Variants in RGPD3 observed in about 807,000 individuals in gnomAD.
RGPD3 encodes the protein RANBP2 like and GRIP domain containing 3, also known as ranBP2-like and GRIP domain-containing protein 3.
A neutral mutation model predicts 154.5 loss-of-function variants in RGPD3; 62 were observed. That is an observed-to-expected ratio of 0.40 (90% CI 0.33 to 0.50). The LOEUF is 0.50. RGPD3 is among the 20% of genes least tolerant of loss of function. RGPD3 has a pLI of 0.59. For synonymous variants in RGPD3, 308 were observed against 607.0 expected (o/e 0.51, Z 7.24); for missense variants, 919 against 1,716.8 (o/e 0.54, Z 8.21).
rs1677120678 is a variant in RGPD3 at position 106,424,532 on chromosome 2, C to T, written c.3435G>A (p.Glu1145=). 5 of 1,607,878 alleles carry T rather than the reference C, an allele frequency of 3.1e-6. No homozygotes were observed. The highest frequency in any genetic ancestry group is 4.2e-6 in the Non-Finnish European group (5 of 1,179,232). ...GTGTTTTAAATTTTGCTGCCAATCG[C>T]TCTAGTTTGGCATCACCATCAGAGA... ...SDFSDGDAKL[E]RLAAKFKTPE... is the part of the protein sequence containing the mutation. The change falls in exon 20 of 23, where the codon GAG becomes GAA. Residue 1145 remains glutamate (E), a synonymous_variant. Coordinates refer to ENST00000409886, the MANE Select transcript of RGPD3 (RefSeq NM_001144013.2).
chr2:106,462,047 C>A (rs369183928), intron 1 of RGPD3, among the ~76,000 whole-genome samples: 3 of 151,956 alleles, frequency 2.0e-5, no homozygotes, highest in Admixed American at 6.6e-5. Context: ...CCATGCCCAG[C>A]TAATTTTTGT....
At chr2:106,458,966 A>C (rs1274421765) in intron 2 of RGPD3, among the ~76,000 whole-genome samples, 9 of 140,094 alleles carry the variant, frequency 6.4e-5, no homozygotes, top group Admixed American at 4.8e-4. Flanking sequence ...CCAAAAACAA[A>C]TTAAGATATA....
rs545320705 is a variant in RGPD3 at position 106,405,048 on chromosome 2, A to G, written c.*171T>C. ...ATCTGTCATATAGATGTACAAATAT[A>G]TGTAAATGCAAACATATACACACTT... On this transcript the variant is annotated 3_prime_UTR_variant, in exon 23 of 23. Transcript: ENST00000409886. 6.6e-4 allele frequency: 478 copies of G among 723,502 alleles called. 9 individuals are homozygous for G. The South Asian group carries it at 8.8e-3, about 13-fold the overall frequency. 44.8% of individuals were successfully genotyped at this position (723,502 alleles called of 1,614,324 possible). A position where few individuals can be genotyped will look rare whatever the true frequency, so the allele number is the denominator to read the frequency against.
chr2:106,470,803 C>G (rs199694355), upstream of RGPD3: 7 of 1,602,074 alleles, frequency 4.4e-6, no homozygotes, highest in East Asian at 4.5e-5. Flanking sequence ...TTTCTTACCT[C>G]GTCCAATGAT....
At chr2:106,446,542 C>T (rs1422944034) in intron 7 of RGPD3, among the ~76,000 whole-genome samples, 1 of 105,766 alleles carries the variant, frequency 9.5e-6, no homozygotes, top group African/African-American at 3.6e-5. Context: ...TGCACTCCAG[C>T]CTGGGCGACA....
At position 106,424,635 on chromosome 2, in the gene RGPD3, T is replaced by C. The variant is rs1285127770; in HGVS notation, c.3332A>G (p.Asn1111Ser). Residue 1111 changes from asparagine (N) to serine (S), a missense_variant, in exon 20 of 23, where the codon AAT becomes AGT. Asn to Ser is a conservative substitution (Grantham distance 46). Transcript: ENST00000409886. The part of the protein sequence containing the change: ...QREQVLKVCA[N>S]HWITTTMNLK... ...GTTCATTGTAGTCGTTATCCAATGA[T>C]TAGCACACACTTTTAGTACTTGTTC... The C allele has an allele frequency of 4.3e-6, 7 of 1,611,970 alleles. No homozygotes were observed. The highest frequency in any genetic ancestry group is 1.7e-5 in the Admixed American group (1 of 60,016).
At chr2:106,458,727 T>TAA (rs57559694) in intron 2 of RGPD3, among the ~76,000 whole-genome samples, 5 of 36,326 alleles carry the variant, frequency 1.4e-4, no homozygotes, top group Non-Finnish European at 2.2e-4. Flanking sequence ...AGATACTGCC[T>TAA]AAAAAAAAAA....
intron 22 of RGPD3, among the ~76,000 whole-genome samples, chr2:106,407,466 G>C (rs1016160817): frequency 7.9e-5 from 12 of 151,796 alleles, no homozygotes; most frequent in African/African-American, 2.9e-4. Flanking sequence ...ATATTGCTTA[G>C]GGATGGACAA....
At position 106,415,893 on chromosome 2, in the gene RGPD3, C is replaced by G. The variant is rs1411194566; in HGVS notation, c.5021G>C (p.Arg1674Pro). ...KSADHLNGLL[R>P]EIEATNAVLM... is the part of the protein sequence containing the mutation. ...GACTGCATTGGTTGCCTCTATTTCC[C>G]GAAGCAGGCCGTTTAAGTGATCTGC... The change falls in exon 21 of 23, where the codon CGG (arginine) becomes CCG (proline). Residue 1674 changes from arginine (R) to proline (P), a missense_variant. Arg to Pro is a moderately radical substitution (Grantham distance 103). Coordinates refer to ENST00000409886, the MANE Select transcript of RGPD3 (RefSeq NM_001144013.2). 10 of 1,611,848 alleles carry G rather than the reference C, an allele frequency of 6.2e-6. No homozygotes were observed. The highest frequency in any genetic ancestry group is 5.0e-5 in the Admixed American group (3 of 59,984).
chr2:106,452,530 A>C (rs1239399431), intron 5 of RGPD3, among the ~76,000 whole-genome samples, 166 bp downstream of exon 5: 1 of 152,216 alleles, frequency 6.6e-6, no homozygotes, highest in Non-Finnish European at 1.5e-5. Flanking sequence ...TTATCTCCCC[A>C]ATTTTCCCAT....
intron 1 of RGPD3, among the ~76,000 whole-genome samples, chr2:106,463,836 C>T (rs1678477304): frequency 6.6e-6 from 1 of 151,908 alleles, no homozygotes; most frequent in Non-Finnish European, 1.5e-5. Context: ...AGTAGTAACA[C>T]AACATACAAG....
chr2:106,463,391 C>T (rs1486648093), intron 1 of RGPD3, among the ~76,000 whole-genome samples: 1 of 152,238 alleles, frequency 6.6e-6, no homozygotes, highest in Admixed American at 6.5e-5. Context: ...AGGAGAATCA[C>T]TTGAACCCGG....
intron 1 of RGPD3, among the ~76,000 whole-genome samples, chr2:106,464,797 C>T (rs1447811920): frequency 6.6e-6 from 1 of 152,132 alleles, no homozygotes; most frequent in African/African-American, 2.4e-5. Flanking sequence ...AATCTCTGCT[C>T]ACCACAACCT....
intron 1 of RGPD3, among the ~76,000 whole-genome samples, chr2:106,466,329 T>C (rs1678587688): frequency 6.7e-6 from 1 of 150,198 alleles, no homozygotes; most frequent in South Asian, 2.1e-4. Context: ...GCAGCGCCCG[T>C]CAGGAGCCAT....
At chr2:106,438,706 C>T (rs1167728101) in intron 9 of RGPD3, among the ~76,000 whole-genome samples, 6 of 151,500 alleles carry the variant, frequency 4.0e-5, no homozygotes, top group Non-Finnish European at 5.9e-5. Flanking sequence ...TACTTGAACC[C>T]GGGAGGCAGA....
At chr2:106,470,275 C>G (rs1678781807), upstream of RGPD3, among the ~76,000 whole-genome samples, 1 of 152,264 alleles carries the variant, frequency 6.6e-6, no homozygotes, top group Non-Finnish European at 1.5e-5. Context: ...GATGAAGATA[C>G]AAATATCCAT....
intron 1 of RGPD3, among the ~76,000 whole-genome samples, chr2:106,464,443 G>A (rs1378043008): frequency 1.3e-5 from 2 of 151,420 alleles, no homozygotes; most frequent in African/African-American, 4.9e-5. Context: ...AAGTATAGAT[G>A]TAAAGGGCAG....
At chr2:106,428,603 G>A (rs887586331) in intron 18 of RGPD3, among the ~76,000 whole-genome samples, 34 of 151,550 alleles carry the variant, frequency 2.2e-4, no homozygotes, top group Non-Finnish European at 4.0e-4. Context: ...AAGGCTAGTG[G>A]GGTTGCCTTA....
chr2:106,468,431 C>G (rs946466703), upstream of RGPD3: 5 of 1,484,296 alleles, frequency 3.4e-6, no homozygotes, highest in East Asian at 5.1e-5. Flanking sequence ...TTGTGTCCTG[C>G]GTCAACAGTG....
Sources: gnomAD v4.1 joint callset for allele counts (sites outside exome capture counted in the v4.1 genomes callset) on GRCh38, gnomAD v4.1.1 for gene constraint, MANE v1.5 for transcripts, NCBI Gene and HGNC (gene_info 2026-07-23, HGNC 2026-07-21) for gene names.